The following EYA1 variants were observed in gnomAD, a reference collection of about 807,000 sequenced individuals.
EYA1 encodes protein phosphatase EYA1.
EYA1 carries 16 observed loss-of-function variants against 82.0 expected under a neutral mutation model. That is an observed-to-expected ratio of 0.20 (90% CI 0.13 to 0.30). The LOEUF (loss-of-function observed/expected upper bound fraction) is 0.30. Among genes scored for constraint, EYA1 ranks in the 10% least tolerant of loss-of-function variants. The pLI, the probability that EYA1 is intolerant of heterozygous loss-of-function variation, is 1.00. For synonymous variants in EYA1, 261 were observed against 264.4 expected (o/e 0.99, Z 0.12); for missense variants, 633 against 730.7 (o/e 0.87, Z 1.54).
At chr8:71,422,325 C>T (rs547753549) in intron 2 of EYA1, among the ~76,000 whole-genome samples, 62 of 152,286 alleles carry the variant, frequency 4.1e-4, no homozygotes, top group African/African-American at 1.5e-3. Flanking sequence ...GGGTTTTACT[C>T]TCTAGAGCTG....
At chr8:71,250,053 C>T (rs1287024576) in intron 11 of EYA1, among the ~76,000 whole-genome samples, 2 of 151,088 alleles carry the variant, frequency 1.3e-5, no homozygotes, top group Admixed American at 1.3e-4. Flanking sequence ...TTTTTTTCCC[C>T]TTAGCCTTGT....
Position 71,454,429 on chromosome 8 carries a change from C to T in EYA1, c.33+81315G>A, listed in dbSNP as rs140482147. Among the ~76,000 whole-genome samples the T allele has an allele frequency of 2.9e-3, 438 of 152,314 alleles. 1 individual carries two copies. The highest frequency in any genetic ancestry group is 5.1e-3 in the Non-Finnish European group (347 of 68,036). ...TTCTGCACCAAGCGGACTTAATAGA[C>T]ATCTACAGAACTCTCCACCAAATCA... is the stretch of plus-strand genomic sequence containing the variant. On this transcript the variant is annotated intron_variant, in intron 2 of 18. Coordinates refer to the EYA1 transcript ENST00000643681.
Position 71,392,878 on chromosome 8 carries a change from G to A in EYA1, c.34-36367C>T, listed in dbSNP as rs149326367. The stretch of plus-strand genomic sequence containing the variant: ...TAAACAATATTTTCTATATGTGTTA[G>A]TTTACTCAATCTCCTCATTTTTCTA... On this transcript the variant is annotated intron_variant, in intron 2 of 18. Transcript: ENST00000643681. 2.9e-3 allele frequency among the ~76,000 whole-genome samples: 446 copies of A among 152,032 alleles called. 2 individuals are homozygous for A. Among genetic ancestry groups the A allele is most frequent in the African/African-American group, 0.01 (416 of 41,458 alleles).
chr8:71,365,289 C>T (rs1460337524), upstream of EYA1, among the ~76,000 whole-genome samples: 2 of 151,822 alleles, frequency 1.3e-5, no homozygotes, highest in Non-Finnish European at 2.9e-5. Flanking sequence ...AAATGATGCA[C>T]TTTGAAGTTA....
Position 71,361,879 on chromosome 8 carries a change from C to A in EYA1, c.-287G>T, listed in dbSNP as rs1827418676. The A allele has an allele frequency of 9.1e-6, 9 of 985,422 alleles. No homozygotes were observed. In the South Asian group the frequency reaches 3.8e-4, roughly 41 times the overall value. The allele number at this position is 985,422 out of a possible 1,614,324, so 61.0% of individuals were successfully genotyped here. On this transcript the variant is annotated 5_prime_UTR_variant, in exon 1 of 18. Coordinates refer to ENST00000340726, the MANE Select transcript of EYA1 (RefSeq NM_000503.6). ...AGGCTCGGGCTGCCGAGCGACTGAG[C>A]GAAAACGTGTTCCCCAGGAAGAAAC...
chr8:71,411,752 G>T (rs1400371336), intron 2 of EYA1, among the ~76,000 whole-genome samples: 1 of 142,908 alleles, frequency 7.0e-6, no homozygotes, highest in Non-Finnish European at 1.5e-5. Context: ...AGGATGTGGA[G>T]AAATAGGAAC....
chr8:71,256,325 C>CA (rs1167844228), intron 11 of EYA1, among the ~76,000 whole-genome samples: 1 of 151,778 alleles, frequency 6.6e-6, no homozygotes, highest in Admixed American at 6.6e-5. Flanking sequence ...ATAGATATAT[C>CA]AAAAAAATAA....
At chr8:71,425,853 G>A (rs886766575) in intron 2 of EYA1, among the ~76,000 whole-genome samples, 1 of 152,178 alleles carries the variant, frequency 6.6e-6, no homozygotes, top group Non-Finnish European at 1.5e-5. Flanking sequence ...GCACTGAGAG[G>A]AGCCACTGCC....
chr8:71,347,610 A>C (rs6998801), intron 3 of EYA1, among the ~76,000 whole-genome samples: 7,492 of 152,122 alleles, frequency 0.049, 587 homozygotes, highest in African/African-American at 0.17. Context: ...TTTGAGGATA[A>C]ATGTATGTAG....
At chr8:71,509,979 G>C (rs1024790043) in intron 2 of EYA1, among the ~76,000 whole-genome samples, 1 of 151,236 alleles carries the variant, frequency 6.6e-6, no homozygotes, top group Admixed American at 6.6e-5. Context: ...AGATGGTAAT[G>C]GTATTTTTAG....
At chr8:71,397,905 C>G (rs1005807879) in intron 2 of EYA1, among the ~76,000 whole-genome samples, 6 of 152,160 alleles carry the variant, frequency 3.9e-5, no homozygotes, top group African/African-American at 1.4e-4. Context: ...GTTCCATTCT[C>G]CCCGTCACTT....
intron 2 of EYA1, among the ~76,000 whole-genome samples, chr8:71,502,617 A>T (rs2129239025): frequency 6.6e-6 from 1 of 152,388 alleles, no homozygotes; most frequent in East Asian, 1.9e-4. Context: ...TTAAGTAAAC[A>T]TTCTGCATTT....
At chr8:71,236,382 A>G (rs539277730) in intron 12 of EYA1, among the ~76,000 whole-genome samples, 1 of 152,320 alleles carries the variant, frequency 6.6e-6, no homozygotes, top group African/African-American at 2.4e-5. Flanking sequence ...GAGGTATGAC[A>G]TGTTGAATAG....
intron 11 of EYA1, among the ~76,000 whole-genome samples, chr8:71,256,072 G>A (rs1814380176): frequency 6.6e-6 from 1 of 152,176 alleles, no homozygotes; most frequent in Admixed American, 6.5e-5. Context: ...GTGTTGATGA[G>A]GATGTGGAGA....
chr8:71,223,404 C>T (rs147435653), intron 12 of EYA1, among the ~76,000 whole-genome samples: 146 of 152,322 alleles, frequency 9.6e-4, no homozygotes, highest in African/African-American at 3.4e-3. Context: ...CCTTATATGA[C>T]ACCACCTGTG....
intron 2 of EYA1, among the ~76,000 whole-genome samples, chr8:71,459,575 A>G (rs998240794): frequency 6.6e-6 from 1 of 152,122 alleles, no homozygotes; most frequent in Non-Finnish European, 1.5e-5. Context: ...ATTTATTTTA[A>G]ATGAATTTTT....
chr8:71,375,090 A>C (rs575111465), intron 2 of EYA1, among the ~76,000 whole-genome samples: 1 of 152,266 alleles, frequency 6.6e-6, no homozygotes, highest in Non-Finnish European at 1.5e-5. Flanking sequence ...TTGAATACTA[A>C]AGTTAATTAT....
At chr8:71,427,978 CAA>C (rs66707741) in intron 2 of EYA1, among the ~76,000 whole-genome samples, 1,532 of 140,220 alleles carry the variant, frequency 0.011, 23 homozygotes, top group African/African-American at 0.034. Flanking sequence ...GACCTTGTCT[CAA>C]AAAAAAAAAA....
intron 12 of EYA1, among the ~76,000 whole-genome samples, chr8:71,235,052 T>C (rs1811664056): frequency 1.3e-5 from 2 of 152,120 alleles, no homozygotes; most frequent in African/African-American, 4.8e-5. Flanking sequence ...CATATTTCCA[T>C]AAAAGGATAC....
Sources: allele counts gnomAD v4.1 joint callset (sites outside exome capture counted in the v4.1 genomes callset), GRCh38; gene constraint gnomAD v4.1.1; transcripts MANE v1.5; gene names NCBI Gene and HGNC (gene_info 2026-07-23, HGNC 2026-07-21).